Variants in PCDHA2 observed in about 807,000 individuals in gnomAD.
PCDHA2 encodes the protein protocadherin alpha 2.
In PCDHA2, 58 loss-of-function variants were observed where a neutral mutation model predicts 66.0. The ratio of observed to expected loss-of-function variants is 0.88; its 90% CI spans 0.71 to 1.09. The LOEUF (loss-of-function observed/expected upper bound fraction) is 1.09. Among genes scored for constraint, PCDHA2 ranks in the 50% least tolerant of loss-of-function variants. The probability of loss-of-function intolerance (pLI) is 0.00; values close to 1 mark genes in which losing one functional copy is unlikely to be tolerated. For synonymous variants in PCDHA2, 634 were observed against 554.0 expected, an observed-to-expected ratio of 1.14 and a Z score of -2.03; for missense variants, 1,267 against 1,242.3, an observed-to-expected ratio of 1.02 and a Z score of -0.30.
rs2045496791 is a variant in PCDHA2 at position 140,858,579 on chromosome 5, T to C, written c.2388+61227T>C. 3 of 1,349,862 alleles carry C rather than the reference T, an allele frequency of 2.2e-6. No individual in the cohort carries two copies. In the East Asian group the frequency reaches 7.4e-5, roughly 33 times the overall value. The allele number at this position is 1,349,862 out of a possible 1,614,324, so 83.6% of individuals were successfully genotyped here. On this transcript the variant is annotated intron_variant, in intron 1 of 3. Transcript: ENST00000526136. Reference sequence around the variant, plus strand: ...AATATTTCTAGTGATACCTTTGTAATATAATTTATTCCAGGAGTTTTAAAA... The same window carrying C: ...AATATTTCTAGTGATACCTTTGTAACATAATTTATTCCAGGAGTTTTAAAA...
chr5:141,007,844 C>T (rs782712601), intron 3 of PCDHA2, among the ~76,000 whole-genome samples: 3 of 152,176 alleles, frequency 2.0e-5, no homozygotes, highest in Non-Finnish European at 4.4e-5. Context: ...ATTAGAGACT[C>T]AAAGTCCTTA....
intron 1 of PCDHA2, chr5:140,842,572 A>C (rs2150339542): frequency 0.42 from 640,316 of 1,537,946 alleles, 166,648 homozygotes; most frequent in South Asian, 0.52. Context: ...ACCGCGAGAG[A>C]GTGTCGGCCT....
Position 141,010,533 on chromosome 5 carries a change from C to T in PCDHA2, c.*596C>T, listed in dbSNP as rs1466502614. 4 of 390,018 alleles carry T rather than the reference C, an allele frequency of 1.0e-5. No homozygotes were observed. Among genetic ancestry groups the T allele is most frequent in the African/African-American group, 8.2e-5 (4 of 49,000 alleles). 24.2% of individuals were successfully genotyped at this position (390,018 alleles called of 1,614,324 possible). ...TACAACTCAAGAGGTGGCAGCCACCCTCTAGGAGACAAAACTACCCCCACT... is the reference window on the plus strand; with the variant it reads ...TACAACTCAAGAGGTGGCAGCCACCTTCTAGGAGACAAAACTACCCCCACT... On this transcript the variant is annotated 3_prime_UTR_variant, in exon 4 of 4. Transcript: ENST00000526136.
intron 1 of PCDHA2, among the ~76,000 whole-genome samples, chr5:140,943,312 A>G (rs1229555554): frequency 1.3e-5 from 2 of 150,890 alleles, no homozygotes; most frequent in African/African-American, 2.4e-5. Context: ...AGTCATTATT[A>G]GCAATATTGT....
chr5:140,802,344 G>A (rs782026683), intron 1 of PCDHA2: 23 of 1,614,112 alleles, frequency 1.4e-5, no homozygotes, highest in Non-Finnish European at 1.9e-5. Context: ...AGGAGTCAAT[G>A]GACAGGTCAC....
intron 1 of PCDHA2, among the ~76,000 whole-genome samples, chr5:140,880,546 T>C (rs919094204): frequency 7.9e-5 from 12 of 152,198 alleles, no homozygotes; most frequent in Non-Finnish European, 1.8e-4. Flanking sequence ...GAAAGTGAAC[T>C]GATGGAAATG....
Position 140,834,387 on chromosome 5 carries a change from G to A in PCDHA2, c.2388+37035G>A, listed in dbSNP as rs141534918. The A allele has an allele frequency of 6.3e-5, 99 of 1,583,890 alleles. No homozygotes were observed. Among genetic ancestry groups the A allele is most frequent in the Non-Finnish European group, 8.4e-5 (98 of 1,164,446 alleles). ...AAAAACAAGCCAATAATTTGAAATG[G>A]TGTGCCCGAATGGATACGACCCAGG... On this transcript the variant is annotated intron_variant, in intron 1 of 3. Coordinates refer to ENST00000526136, the MANE Select transcript of PCDHA2 (RefSeq NM_018905.3).
At chr5:141,009,295 A>T (rs782350734) in intron 3 of PCDHA2, among the ~76,000 whole-genome samples, 13 of 152,030 alleles carry the variant, frequency 8.6e-5, no homozygotes, top group Admixed American at 3.9e-4. Context: ...TTTCTATAAA[A>T]TTTTTTTTAA....
chr5:140,825,124 C>T (rs1214733618), intron 1 of PCDHA2: 1 of 151,608 alleles, frequency 6.6e-6, no homozygotes, highest in African/African-American at 2.4e-5. Context: ...TTCCCTACCC[C>T]CTTAAAAAAC....
At chr5:140,893,261 C>T (rs2063902016) in intron 1 of PCDHA2, among the ~76,000 whole-genome samples, 1 of 152,104 alleles carries the variant, frequency 6.6e-6, no homozygotes, top group Non-Finnish European at 1.5e-5. Context: ...TGGATAAATG[C>T]CCAATAGTGG....
intron 1 of PCDHA2, chr5:140,927,923 CTCT>C: frequency 6.2e-7 from 1 of 1,614,232 alleles, no homozygotes; most frequent in East Asian, 2.2e-5. Context: ...GACTTCCTGA[CTCT>C]TTCGAACCCA....
intron 1 of PCDHA2, among the ~76,000 whole-genome samples, chr5:140,959,119 G>A (rs576475580): frequency 3.3e-5 from 5 of 152,160 alleles, no homozygotes; most frequent in East Asian, 3.9e-4. Context: ...GAAGGTGGGC[G>A]AGGTGAGCCC....
intron 2 of PCDHA2, among the ~76,000 whole-genome samples, chr5:140,981,439 T>C (rs1468864699): frequency 6.6e-6 from 1 of 152,128 alleles, no homozygotes; most frequent in Non-Finnish European, 1.5e-5. Flanking sequence ...CCAGGCATGG[T>C]GGCGGGTGCC....
Position 140,963,857 on chromosome 5 carries a change from G to A in PCDHA2, c.2389-15092G>A, listed in dbSNP as rs181224305. The stretch of plus-strand genomic sequence containing the variant: ...TTCTCATGTAATCATAATAATAACC[G>A]TATGAGTTTTGCTTACTATTGTTTT... On this transcript the variant is annotated intron_variant, in intron 1 of 3. Transcript: ENST00000526136. Among the ~76,000 whole-genome samples the A allele has an allele frequency of 5.3e-5, 8 of 152,252 alleles. 1 individual carries two copies. The East Asian group carries it at 7.7e-4, about 15-fold the overall frequency.
chr5:140,944,182 GTTTGT>G (rs750577669), intron 1 of PCDHA2, among the ~76,000 whole-genome samples: 4 of 152,050 alleles, frequency 2.6e-5, no homozygotes, highest in African/African-American at 2.4e-5. Context: ...TTTTTTGTTG[GTTTGT>G]TTTGTTTTGT....
At chr5:140,834,320 A>G (rs1772901114) in intron 1 of PCDHA2, 1 of 1,428,046 alleles carries the variant, frequency 7.0e-7, no homozygotes, top group African/African-American at 1.4e-5. Context: ...ATGAAGGGAT[A>G]AAAACATTCC....
chr5:140,906,252 C>T (rs1376694912), intron 1 of PCDHA2, among the ~76,000 whole-genome samples: 1 of 152,180 alleles, frequency 6.6e-6, no homozygotes, highest in Admixed American at 6.5e-5. Flanking sequence ...AACCCATACA[C>T]ACCTCCTGAA....
intron 3 of PCDHA2, among the ~76,000 whole-genome samples, chr5:140,997,092 A>C (rs2097758868): frequency 6.6e-6 from 1 of 152,160 alleles, no homozygotes; most frequent in South Asian, 2.1e-4. Flanking sequence ...GAAAGTGCAG[A>C]GTTCTCATGC....
intron 1 of PCDHA2, chr5:140,849,964 T>C: frequency 6.3e-7 from 1 of 1,597,810 alleles, no homozygotes; most frequent in African/African-American, 1.3e-5. Flanking sequence ...AACGCCCTGG[T>C]GTCCTACTCG....
Sources: allele counts gnomAD v4.1 joint callset (sites outside exome capture counted in the v4.1 genomes callset), GRCh38; gene constraint gnomAD v4.1.1; transcripts MANE v1.5; gene names NCBI Gene and HGNC (gene_info 2026-07-23, HGNC 2026-07-21).